Variants in AUTS2 observed in about 807,000 individuals in gnomAD.
AUTS2 encodes the protein activator of transcription and developmental regulator AUTS2, also known as autism susceptibility gene 2 protein.
AUTS2 carries 17 observed loss-of-function variants against 112.4 expected under a neutral mutation model. The ratio of observed to expected loss-of-function variants is 0.15; its 90% CI spans 0.10 to 0.23. The LOEUF (loss-of-function observed/expected upper bound fraction) is 0.23. Among genes scored for constraint, AUTS2 ranks in the 10% least tolerant of loss-of-function variants. AUTS2 has a pLI of 1.00. For synonymous variants in AUTS2, 751 were observed against 702.7 expected, an observed-to-expected ratio of 1.07 and a Z score of -1.09; for missense variants, 1,510 against 1,701.6, an observed-to-expected ratio of 0.89 and a Z score of 1.98.
chr7:69,619,801 C>G (rs1353428091), intron 1 of AUTS2, among the ~76,000 whole-genome samples: 2 of 152,172 alleles, frequency 1.3e-5, no homozygotes, highest in Non-Finnish European at 2.9e-5. Context: ...CAAGGAATGA[C>G]ATTCTGGGGA....
intron 5 of AUTS2, among the ~76,000 whole-genome samples, chr7:70,628,930 G>A (rs946596382): frequency 2.0e-5 from 3 of 152,052 alleles, no homozygotes; most frequent in Non-Finnish European, 4.4e-5. Context: ...AGACATTGGG[G>A]GGAAGTGGGG....
intron 1 of AUTS2, among the ~76,000 whole-genome samples, chr7:69,697,302 A>C (rs1438589180): frequency 6.6e-6 from 1 of 152,218 alleles, no homozygotes; most frequent in African/African-American, 2.4e-5. Flanking sequence ...CTTTTCTTTT[A>C]CAAGAAGCAT....
chr7:69,636,541 G>C (rs1200679601), intron 1 of AUTS2, among the ~76,000 whole-genome samples: 1 of 128,844 alleles, frequency 7.8e-6, no homozygotes, highest in Non-Finnish European at 1.6e-5. Context: ...CCCACACCTG[G>C]CCTGGAGCAC....
At chr7:69,967,057 G>A (rs922061901) in intron 2 of AUTS2, among the ~76,000 whole-genome samples, 1 of 152,106 alleles carries the variant, frequency 6.6e-6, no homozygotes, top group African/African-American at 2.4e-5. Flanking sequence ...ACTTAAGATG[G>A]ATTCTTATTC....
intron 1 of AUTS2, among the ~76,000 whole-genome samples, chr7:69,780,594 C>G (rs1225235331): frequency 6.6e-6 from 1 of 152,232 alleles, no homozygotes; most frequent in East Asian, 1.9e-4. Context: ...TCACAGGTGA[C>G]TGGTCACTGT....
At chr7:70,722,837 T>C (rs371401143) in intron 6 of AUTS2, among the ~76,000 whole-genome samples, 11 of 152,206 alleles carry the variant, frequency 7.2e-5, no homozygotes, top group African/African-American at 2.7e-4. Context: ...TGTTGAGTAT[T>C]TTAGGGAGCC....
At chr7:70,154,966 G>GA (rs1457179198) in intron 4 of AUTS2, among the ~76,000 whole-genome samples, 3 of 152,144 alleles carry the variant, frequency 2.0e-5, no homozygotes, top group Non-Finnish European at 4.4e-5. Context: ...GCCCCCCTGG[G>GA]ACCTGCTTTA....
chr7:69,706,571 G>T (rs1247818889), intron 1 of AUTS2, among the ~76,000 whole-genome samples: 1 of 152,144 alleles, frequency 6.6e-6, no homozygotes, highest in Non-Finnish European at 1.5e-5. Context: ...TTGTCAAATT[G>T]AATTACTTAA....
At position 69,894,264 on chromosome 7, in the gene AUTS2, T is replaced by TG. The variant is rs1287225700; in HGVS notation, c.310-5022_310-5021insG. Among the ~76,000 whole-genome samples, 22 of 144,772 alleles carry TG rather than the reference T, an allele frequency of 1.5e-4. No individual in the cohort carries two copies. In the East Asian group the frequency reaches 4.5e-3, roughly 29 times the overall value. 95.0% of individuals were successfully genotyped at this position (144,772 alleles called of 152,430 possible). ...AATGCCTTAAAGCGTTTTTTTTTTT[T>TG]TTTTTTTTTTTTTTAACAGATTTCT... is the stretch of plus-strand genomic sequence containing the variant. On this transcript the variant is annotated intron_variant, in intron 1 of 18. Coordinates refer to ENST00000342771, the MANE Select transcript of AUTS2 (RefSeq NM_015570.4).
chr7:70,742,817 T>A (rs1201224631), intron 6 of AUTS2, among the ~76,000 whole-genome samples: 2 of 152,012 alleles, frequency 1.3e-5, no homozygotes, highest in African/African-American at 4.8e-5. Flanking sequence ...GATGATGGCT[T>A]TAACTGAAAA....
At chr7:70,671,017 C>A (rs1007572860) in intron 5 of AUTS2, among the ~76,000 whole-genome samples, 46 of 152,096 alleles carry the variant, frequency 3.0e-4, no homozygotes, top group African/African-American at 1.0e-3. Flanking sequence ...AATAAAAATA[C>A]AAAAATTAGC....
intron 6 of AUTS2, among the ~76,000 whole-genome samples, chr7:70,716,870 C>T (rs73443084): frequency 0.015 from 2,332 of 151,854 alleles, 60 homozygotes; most frequent in African/African-American, 0.052. Flanking sequence ...GATACTAAGA[C>T]GTAACCTCCC....
intron 5 of AUTS2, among the ~76,000 whole-genome samples, chr7:70,570,898 G>A (rs937694514): frequency 7.8e-6 from 1 of 128,430 alleles, no homozygotes; most frequent in Non-Finnish European, 1.7e-5. Flanking sequence ...CCACCATCTT[G>A]TAGTCTTGCC....
intron 4 of AUTS2, among the ~76,000 whole-genome samples, chr7:70,240,984 G>C (rs1053958864): frequency 6.6e-6 from 1 of 152,132 alleles, no homozygotes; most frequent in Non-Finnish European, 1.5e-5. Flanking sequence ...TTGTTGTTTG[G>C]ACATATCTAA....
chr7:70,241,646 TC>T (rs750136869), intron 4 of AUTS2, among the ~76,000 whole-genome samples: 133 of 152,152 alleles, frequency 8.7e-4, no homozygotes, highest in Non-Finnish European at 1.7e-3. Context: ...CCTTAATAAG[TC>T]CCAAAGGTAA....
At chr7:69,706,474 C>T (rs1326398466) in intron 1 of AUTS2, among the ~76,000 whole-genome samples, 3 of 152,150 alleles carry the variant, frequency 2.0e-5, no homozygotes, top group African/African-American at 7.2e-5. Flanking sequence ...CTGAGCACAC[C>T]TAGGGTAGAG....
intron 2 of AUTS2, among the ~76,000 whole-genome samples, chr7:70,117,006 G>A (rs1584746465): frequency 6.6e-6 from 1 of 151,292 alleles, no homozygotes; most frequent in Middle Eastern, 3.5e-3. Flanking sequence ...GTAGACTGAT[G>A]GTTTTCAATT....
intron 4 of AUTS2, among the ~76,000 whole-genome samples, chr7:70,177,524 G>A (rs1339664232): frequency 2.6e-5 from 4 of 152,096 alleles, no homozygotes; most frequent in Admixed American, 1.3e-4. Context: ...ATTTCATTTT[G>A]AAACATTTCT....
intron 6 of AUTS2, among the ~76,000 whole-genome samples, chr7:70,700,847 T>C (rs184564500): frequency 6.6e-6 from 1 of 152,340 alleles, no homozygotes; most frequent in Non-Finnish European, 1.5e-5. Context: ...GTCAGCTTCA[T>C]GCACATCAAG....
Sources: allele counts gnomAD v4.1 joint callset (sites outside exome capture counted in the v4.1 genomes callset), GRCh38; gene constraint gnomAD v4.1.1; transcripts MANE v1.5; gene names NCBI Gene and HGNC (gene_info 2026-07-23, HGNC 2026-07-21).